USP12: variants seen among roughly 807,000 people sequenced by gnomAD.
USP12 encodes ubiquitin specific peptidase 12.
Under a neutral mutation model 45.5 loss-of-function variants are expected in USP12, and 19 were observed. The observed-to-expected ratio is 0.42, with a 90% CI of 0.29 to 0.61. The LOEUF is 0.61. Among genes scored for constraint, USP12 ranks in the 20% least tolerant of loss-of-function variants. The pLI is 0.22. For missense variants in USP12, 242 were observed against 447.7 expected (o/e 0.54, Z 4.15); for synonymous variants, 149 against 148.8 (o/e 1.00, Z -0.01).
In USP12 at chr13:27,113,269, AAAAC is replaced by A. The variant is rs554245771; in HGVS notation, c.129+3243_129+3246del. ...AAGACCCTTTCTCAAAACAAAAACA[AAAAC>A]AAACAAACAAACAAACAAAAAACCC... On this transcript the variant is annotated intron_variant, in intron 2 of 8. Coordinates refer to ENST00000282344, the MANE Select transcript of USP12 (RefSeq NM_182488.4). 1.3e-3 allele frequency among the ~76,000 whole-genome samples: 193 copies of A among 152,266 alleles called. 1 individual carries two copies. Among genetic ancestry groups the A allele is most frequent in the African/African-American group, 3.7e-3 (155 of 41,554 alleles).
chr13:27,110,127 T>TTTAAA (rs9319342), intron 2 of USP12, among the ~76,000 whole-genome samples: 8 of 119,620 alleles, frequency 6.7e-5, no homozygotes, highest in Admixed American at 6.4e-4. Flanking sequence ...CTTTTCCAGG[T>TTTAAA]AAAAAAAAAA....
intron 4 of USP12, among the ~76,000 whole-genome samples, chr13:27,092,476 C>T (rs1874362717): frequency 6.6e-6 from 1 of 152,174 alleles, no homozygotes; most frequent in Admixed American, 6.5e-5. Flanking sequence ...TACTCTAAAG[C>T]TACGGTAATC....
At chr13:27,077,490 T>C (rs1565981808) in intron 6 of USP12, 1 of 152,272 alleles carries the variant, frequency 6.6e-6, no homozygotes, top group East Asian at 1.9e-4. Context: ...ATCTCAATAA[T>C]AGCAGATACA....
intron 4 of USP12, among the ~76,000 whole-genome samples, chr13:27,090,843 T>G (rs992333768): frequency 6.6e-6 from 1 of 152,192 alleles, no homozygotes; most frequent in Non-Finnish European, 1.5e-5. Flanking sequence ...TACATCAAAA[T>G]TATTATTAGC....
rs748820339 is a variant in USP12 at position 27,069,241 on chromosome 13, G to C, written c.*42C>G. On this transcript the variant is annotated 3_prime_UTR_variant, in exon 9 of 9. Transcript: ENST00000282344. ...CTTGATCCTTTCCAAAATAACCAGA[G>C]AAGAAATGAGGCAGAAAGTGTCTCT... 1 of 1,519,238 alleles carries C rather than the reference G, an allele frequency of 6.6e-7. No individual in the cohort carries two copies. Among genetic ancestry groups the C allele is most frequent in the Non-Finnish European group, 9.1e-7 (1 of 1,097,054 alleles). 94.1% of individuals were successfully genotyped at this position (1,519,238 alleles called of 1,614,324 possible). A position where few individuals can be genotyped will look rare whatever the true frequency, so the allele number is the denominator to read the frequency against.
intron 7 of USP12, among the ~76,000 whole-genome samples, chr13:27,073,181 G>A (rs533553219): frequency 1.3e-5 from 2 of 152,090 alleles, no homozygotes; most frequent in African/African-American, 2.4e-5. Context: ...ATGAGGCAAT[G>A]AGAGTGAGAC....
intron 1 of USP12, among the ~76,000 whole-genome samples, chr13:27,149,843 C>T (rs1408057198): frequency 6.6e-6 from 1 of 152,202 alleles, no homozygotes; most frequent in Non-Finnish European, 1.5e-5. Flanking sequence ...GGAATGTGAA[C>T]CTAGATCCCT....
At chr13:27,071,723 C>T (rs983900725) in intron 7 of USP12, among the ~76,000 whole-genome samples, 1 of 152,056 alleles carries the variant, frequency 6.6e-6, no homozygotes, top group African/African-American at 2.4e-5. Flanking sequence ...ATTCTTAATA[C>T]CATTATAACT....
At chr13:27,168,271 G>A (rs1456351116) in intron 1 of USP12, among the ~76,000 whole-genome samples, 1 of 152,030 alleles carries the variant, frequency 6.6e-6, no homozygotes, top group Non-Finnish European at 1.5e-5. Flanking sequence ...CCGTTGTCTG[G>A]TCCCCCTCCC....
At chr13:27,080,715 C>T (rs1873712342) in intron 6 of USP12, among the ~76,000 whole-genome samples, 2 of 152,064 alleles carry the variant, frequency 1.3e-5, no homozygotes, top group Non-Finnish European at 2.9e-5. Context: ...CAGGCCACCG[C>T]AATAAAGTGA....
intron 1 of USP12, among the ~76,000 whole-genome samples, chr13:27,162,290 C>T (rs139945821): frequency 1.2e-3 from 177 of 152,320 alleles, no homozygotes; most frequent in African/African-American, 3.6e-3. Context: ...CAAAGTCACA[C>T]ACACACAGAT....
chr13:27,149,099 A>G (rs561006738), intron 1 of USP12, among the ~76,000 whole-genome samples: 7 of 152,160 alleles, frequency 4.6e-5, no homozygotes, highest in Admixed American at 3.3e-4. Flanking sequence ...TGGAAGAATC[A>G]CTTTCACCCA....
chr13:27,155,812 G>A (rs543639736), intron 1 of USP12, among the ~76,000 whole-genome samples: 12 of 152,230 alleles, frequency 7.9e-5, no homozygotes, highest in Non-Finnish European at 1.3e-4. Flanking sequence ...GTCTAGATGC[G>A]GAAAAGGTTC....
intron 1 of USP12, among the ~76,000 whole-genome samples, chr13:27,125,786 G>A (rs1369638321): frequency 6.6e-6 from 1 of 152,240 alleles, no homozygotes; most frequent in African/African-American, 2.4e-5. Context: ...CTTTGCAACC[G>A]GCAGACCAGG....
intron 1 of USP12, among the ~76,000 whole-genome samples, chr13:27,137,158 A>G (rs1253865715): frequency 6.6e-6 from 1 of 152,192 alleles, no homozygotes; most frequent in Non-Finnish European, 1.5e-5. Context: ...CATATTACAA[A>G]ATATATTCCC....
intron 6 of USP12, among the ~76,000 whole-genome samples, chr13:27,083,382 G>A (rs1035204290): frequency 6.6e-6 from 1 of 152,156 alleles, no homozygotes; most frequent in Non-Finnish European, 1.5e-5. Context: ...CACAGGGTCT[G>A]CAAGGTGCTG....
intron 1 of USP12, among the ~76,000 whole-genome samples, chr13:27,131,109 T>C (rs1224347426): frequency 6.6e-6 from 1 of 152,258 alleles, no homozygotes; most frequent in Non-Finnish European, 1.5e-5. Context: ...CAGATTTACA[T>C]ATGTTAAACA....
intron 4 of USP12, among the ~76,000 whole-genome samples, chr13:27,090,974 T>C (rs565463245): frequency 2.6e-5 from 4 of 152,320 alleles, no homozygotes; most frequent in Admixed American, 6.5e-5. Flanking sequence ...TTATAGACAG[T>C]TGAAGGGAGT....
chr13:27,110,804 G>A (rs1875402874), intron 2 of USP12, among the ~76,000 whole-genome samples: 1 of 151,972 alleles, frequency 6.6e-6, no homozygotes, highest in Admixed American at 6.6e-5. Context: ...TCAAGCTAAC[G>A]ACCAACAAAT....
Sources: allele counts gnomAD v4.1 joint callset (sites outside exome capture counted in the v4.1 genomes callset), GRCh38; gene constraint gnomAD v4.1.1; transcripts MANE v1.5; gene names NCBI Gene and HGNC (gene_info 2026-07-23, HGNC 2026-07-21).